Variants in CDH17 observed in about 807,000 individuals in gnomAD.
CDH17 encodes the protein cadherin 17, also known as cadherin-17.
A neutral mutation model predicts 86.3 loss-of-function variants in CDH17; 67 were observed. The observed-to-expected ratio is 0.78, with a 90% CI of 0.64 to 0.95. CDH17 has a LOEUF of 0.95. CDH17 is among the 40% of genes least tolerant of loss of function. The pLI, the probability that CDH17 is intolerant of heterozygous loss-of-function variation, is 0.00. For missense variants in CDH17, 993 were observed against 1,017.6 expected (o/e 0.98, Z 0.33); for synonymous variants, 367 against 366.4 (o/e 1.00, Z -0.02).
At chr8:94,165,727 G>T in intron 10 of CDH17, 34 bp downstream of exon 10, 1 of 1,375,180 alleles carries the variant, frequency 7.3e-7, no homozygotes, top group Non-Finnish European at 1.0e-6. Context: ...GGAAAACAAT[G>T]ATTTGCACTC....
intron 15 of CDH17, among the ~76,000 whole-genome samples, chr8:94,141,355 A>T (rs1015965754): frequency 3.3e-5 from 5 of 151,988 alleles, no homozygotes; most frequent in African/African-American, 1.2e-4. Context: ...CCTACAGCTA[A>T]CATCATATTT....
intron 2 of CDH17, among the ~76,000 whole-genome samples, chr8:94,189,814 C>T (rs1330522566): frequency 3.9e-5 from 6 of 152,154 alleles, no homozygotes; most frequent in East Asian, 1.9e-4. Context: ...CACAGTTACA[C>T]GGTAAGTTTT....
intron 2 of CDH17, among the ~76,000 whole-genome samples, chr8:94,192,946 A>G (rs973681189): frequency 1.3e-5 from 2 of 152,354 alleles, no homozygotes; most frequent in African/African-American, 4.8e-5. Context: ...CCTATGCAGA[A>G]GGCAAGATTC....
At chr8:94,198,527 T>A (rs1445027068) in intron 1 of CDH17, among the ~76,000 whole-genome samples, 1 of 152,220 alleles carries the variant, frequency 6.6e-6, no homozygotes, top group Admixed American at 6.5e-5. Flanking sequence ...TCAACCTGTA[T>A]TTGCTTAATA....
chr8:94,141,642 TTAAAA>T (rs959842608), intron 15 of CDH17, among the ~76,000 whole-genome samples: 1 of 152,140 alleles, frequency 6.6e-6, no homozygotes, highest in African/African-American at 2.4e-5. Flanking sequence ...ATTGAAATAT[TTAAAA>T]TATCAAAAAT....
At chr8:94,131,766 T>G (rs1812425064) in intron 15 of CDH17, among the ~76,000 whole-genome samples, 1 of 152,158 alleles carries the variant, frequency 6.6e-6, no homozygotes, top group Non-Finnish European at 1.5e-5. Flanking sequence ...GTCATGTTGA[T>G]TTGCTGTACT....
chr8:94,173,502 G>A (rs1015327051), intron 7 of CDH17, among the ~76,000 whole-genome samples: 4 of 152,168 alleles, frequency 2.6e-5, no homozygotes, highest in African/African-American at 9.7e-5. Context: ...AGCCACGCTT[G>A]AACAGCCTGC....
intron 15 of CDH17, among the ~76,000 whole-genome samples, chr8:94,136,953 CTGCAGAACAGCAAATAT>C (rs936249691): frequency 9.2e-5 from 14 of 152,332 alleles, no homozygotes; most frequent in African/African-American, 1.2e-4. Flanking sequence ...CCAGTGGAGG[CTGCAGAACAGCAAATAT>C]TGCAGAACAG....
intron 10 of CDH17, among the ~76,000 whole-genome samples, chr8:94,165,006 G>A (rs551512646): frequency 4.1e-4 from 63 of 152,214 alleles, no homozygotes; most frequent in Admixed American, 1.0e-3. Flanking sequence ...GAAGCTGTTA[G>A]GGTAAGATAG....
In CDH17 at chr8:94,170,524, C is replaced by A. The variant is rs755781023; in HGVS notation, c.939G>T (p.Lys313Asn). The A allele has an allele frequency of 1.2e-6, 2 of 1,613,806 alleles. No individual in the cohort carries two copies. The highest frequency in any genetic ancestry group is 1.1e-5 in the South Asian group (1 of 91,056). ...KDAYVFYAVAKDEYGKPLSYP... is the reference protein window; with the variant it reads ...KDAYVFYAVANDEYGKPLSYP... ...ATGAAAGTGGTTTTCCGTACTCATCCTTTGCAACTGCATAAAAAACATACT... is the reference window on the plus strand; with the variant it reads ...ATGAAAGTGGTTTTCCGTACTCATCATTTGCAACTGCATAAAAAACATACT... The change falls in exon 9 of 18, where the codon AAG (lysine) becomes AAT (asparagine). Residue 313 changes from lysine (K) to asparagine (N), a missense_variant. Physicochemically the swap from Lys to Asn is moderately conservative, Grantham distance 94. Coordinates refer to ENST00000027335, the MANE Select transcript of CDH17 (RefSeq NM_004063.4).
intron 3 of CDH17, among the ~76,000 whole-genome samples, chr8:94,185,985 T>C (rs1357088338): frequency 1.3e-5 from 2 of 152,204 alleles, no homozygotes; most frequent in East Asian, 1.9e-4. Flanking sequence ...TTGTTGTTGT[T>C]GTTTGGCTGT....
Position 94,168,097 on chromosome 8 carries a change from AATATATATATATATAT to A in CDH17, c.1067-2137_1067-2122del, listed in dbSNP as rs529264296. 7.3e-3 allele frequency among the ~76,000 whole-genome samples: 368 copies of A among 50,636 alleles called. 5 individuals are homozygous for A. Among genetic ancestry groups the A allele is most frequent in the East Asian group, 0.015 (23 of 1,576 alleles). The allele number at this position is 50,636 out of a possible 152,430, so 33.2% of individuals were successfully genotyped here. A position where few individuals can be genotyped will look rare whatever the true frequency, so the allele number is the denominator to read the frequency against. On this transcript the variant is annotated intron_variant, in intron 9 of 17. Transcript: ENST00000027335. ...ACAGGAGAATGTAAATACACTGGGGAATATATATATATATATATATATATATATATATATATATATA... is the reference window on the plus strand; with the variant it reads ...ACAGGAGAATGTAAATACACTGGGGAATATATATATATATATATATATATA...
chr8:94,173,092 T>C (rs1813300728), intron 7 of CDH17, among the ~76,000 whole-genome samples: 1 of 152,184 alleles, frequency 6.6e-6, no homozygotes, highest in South Asian at 2.1e-4. Flanking sequence ...AGGGCTGCCA[T>C]ATCCCACACT....
rs761371588 is a variant in CDH17, at chr8:94,160,102, C to G, written c.1420G>C (p.Ala474Pro). 1 of 1,613,766 alleles carries G rather than the reference C, an allele frequency of 6.2e-7. No homozygotes were observed. The highest frequency in any genetic ancestry group is 1.7e-5 in the Admixed American group (1 of 59,986). ...NIGSTILTIQ[A>P]TDADEPFTGS... ...GTAAATGGCTCATCAGCATCAGTGG[C>G]CTGGATGGTTAAGATGGTGGACCCA... The change falls in exon 12 of 18, where the codon GCC (alanine) becomes CCC (proline). Residue 474 changes from alanine (A) to proline (P), a missense_variant. Ala to Pro is a conservative substitution (Grantham distance 27, BLOSUM62 -1). Coordinates refer to ENST00000027335, the MANE Select transcript of CDH17 (RefSeq NM_004063.4).
chr8:94,134,421 A>C (rs1467894822), intron 15 of CDH17, among the ~76,000 whole-genome samples: 1 of 152,144 alleles, frequency 6.6e-6, no homozygotes, highest in East Asian at 1.9e-4. Flanking sequence ...CATTTCTTCT[A>C]GATTTTCTAG....
In CDH17 at chr8:94,199,038, GATATATATATATAT is replaced by G. The variant is rs869128612; in HGVS notation, c.-20-4347_-20-4334del. Among the ~76,000 whole-genome samples the G allele has an allele frequency of 3.1e-4, 23 of 73,386 alleles. 1 individual carries two copies. The highest frequency in any genetic ancestry group is 2.7e-3 in the East Asian group (6 of 2,222). 48.1% of individuals were successfully genotyped at this position (73,386 alleles called of 152,430 possible). A position where few individuals can be genotyped will look rare whatever the true frequency, so the allele number is the denominator to read the frequency against. ...CTTCCTCTCAGAGCCAGTTCTGATTGATATATATATATATATATATATATATATATATATATATA... is the reference window on the plus strand; with the variant it reads ...CTTCCTCTCAGAGCCAGTTCTGATTGATATATATATATATATATATATATA... On this transcript the variant is annotated intron_variant, in intron 1 of 17. Coordinates refer to ENST00000027335, the MANE Select transcript of CDH17 (RefSeq NM_004063.4).
At chr8:94,216,778 C>G (rs1814201030) in intron 1 of CDH17, among the ~76,000 whole-genome samples, 1 of 152,166 alleles carries the variant, frequency 6.6e-6, no homozygotes, top group South Asian at 2.1e-4. Context: ...CACTCCTCTT[C>G]TTTATCTCTA....
At chr8:94,187,599 G>A (rs1270237427) in intron 3 of CDH17, among the ~76,000 whole-genome samples, 1 of 151,866 alleles carries the variant, frequency 6.6e-6, no homozygotes, top group Non-Finnish European at 1.5e-5. Context: ...TTTTCTCAAT[G>A]GAGTCTTGAT....
At chr8:94,215,701 G>A (rs1001444964) in intron 1 of CDH17, among the ~76,000 whole-genome samples, 4 of 152,054 alleles carry the variant, frequency 2.6e-5, no homozygotes, top group African/African-American at 9.7e-5. Flanking sequence ...TGCAACTAAT[G>A]CATATTCACT....
Sources: allele counts gnomAD v4.1 joint callset (sites outside exome capture counted in the v4.1 genomes callset), GRCh38; gene constraint gnomAD v4.1.1; transcripts MANE v1.5; gene names NCBI Gene and HGNC (gene_info 2026-07-23, HGNC 2026-07-21).